GPC6: variants seen among roughly 807,000 people sequenced by gnomAD.
GPC6 encodes glypican-6.
A neutral mutation model predicts 55.2 loss-of-function variants in GPC6; 14 were observed. That is an observed-to-expected ratio of 0.25 (90% confidence interval 0.17 to 0.40). The LOEUF (loss-of-function observed/expected upper bound fraction) is 0.40. Ranked by LOEUF, GPC6 falls within the 10% of genes least tolerant of loss-of-function variation. The pLI is 1.00. For synonymous variants in GPC6, 278 were observed against 259.6 expected (o/e 1.07, Z -0.68); for missense variants, 641 against 708.5 (o/e 0.90, Z 1.08).
At chr13:93,764,532 C>CT (rs1024221051) in intron 2 of GPC6, among the ~76,000 whole-genome samples, 3 of 150,066 alleles carry the variant, frequency 2.0e-5, no homozygotes, top group East Asian at 2.0e-4. Flanking sequence ...TTTTTTGTAC[C>CT]TTTTTTTTAA....
At chr13:94,158,484 G>C (rs1450262442) in intron 4 of GPC6, among the ~76,000 whole-genome samples, 2 of 151,784 alleles carry the variant, frequency 1.3e-5, no homozygotes, top group Non-Finnish European at 2.9e-5. Context: ...TAATTTAAAT[G>C]CAATTTAGAA....
chr13:94,299,814 G>A (rs1381255927), intron 5 of GPC6, among the ~76,000 whole-genome samples: 1 of 152,138 alleles, frequency 6.6e-6, no homozygotes, highest in Non-Finnish European at 1.5e-5. Context: ...GCCATTTCTT[G>A]TGAAAATAAT....
chr13:93,835,008 C>A (rs1468981986), intron 3 of GPC6, among the ~76,000 whole-genome samples: 1 of 152,154 alleles, frequency 6.6e-6, no homozygotes, highest in Non-Finnish European at 1.5e-5. Flanking sequence ...GCTTGTCAGA[C>A]ATTGTGAGGA....
At chr13:94,136,922 TG>T (rs1230952145) in intron 4 of GPC6, among the ~76,000 whole-genome samples, 2 of 152,126 alleles carry the variant, frequency 1.3e-5, no homozygotes, top group Non-Finnish European at 2.9e-5. Flanking sequence ...GTGGCCATAG[TG>T]GGCGAGTAAA....
At chr13:93,651,909 G>GTACA (rs1267312435) in intron 2 of GPC6, among the ~76,000 whole-genome samples, 1 of 152,168 alleles carries the variant, frequency 6.6e-6, no homozygotes, top group Non-Finnish European at 1.5e-5. Context: ...CATAGGGCCT[G>GTACA]TACATCGGTA....
intron 4 of GPC6, among the ~76,000 whole-genome samples, chr13:94,254,885 T>C (rs978681356): frequency 2.6e-5 from 4 of 152,154 alleles, no homozygotes; most frequent in African/African-American, 7.2e-5. Context: ...AAGCTTACCC[T>C]GAATCATCAC....
chr13:93,373,682 A>G (rs1485608834), intron 1 of GPC6, among the ~76,000 whole-genome samples: 3 of 152,216 alleles, frequency 2.0e-5, no homozygotes, highest in African/African-American at 7.2e-5. Context: ...GCCTGCAAGA[A>G]TTAGTGATTC....
intron 4 of GPC6, among the ~76,000 whole-genome samples, chr13:94,199,883 G>A (rs1380840295): frequency 4.6e-5 from 7 of 152,246 alleles, no homozygotes; most frequent in East Asian, 1.9e-4. Flanking sequence ...CAGGTCAGGC[G>A]TGGTGGCTTA....
intron 4 of GPC6, among the ~76,000 whole-genome samples, chr13:94,255,602 C>T (rs759107217): frequency 7.9e-5 from 12 of 152,014 alleles, no homozygotes; most frequent in Non-Finnish European, 1.6e-4. Flanking sequence ...GGACATGATC[C>T]TTAGCCTCCT....
chr13:93,858,441 A>G (rs981162958), intron 3 of GPC6, among the ~76,000 whole-genome samples: 3 of 151,612 alleles, frequency 2.0e-5, no homozygotes, highest in African/African-American at 7.3e-5. Flanking sequence ...AAAATTTGAA[A>G]CTTATCTCCA....
chr13:93,332,156 A>T (rs1167501622), intron 1 of GPC6, among the ~76,000 whole-genome samples: 2 of 152,172 alleles, frequency 1.3e-5, no homozygotes, highest in African/African-American at 4.8e-5. Context: ...GAATAGTGCA[A>T]CAATAAACAT....
chr13:94,163,002 T>C (rs1888222188), intron 4 of GPC6, among the ~76,000 whole-genome samples: 1 of 152,166 alleles, frequency 6.6e-6, no homozygotes, highest in Admixed American at 6.5e-5. Flanking sequence ...TAGCTCACCA[T>C]GAAGCTTATT....
intron 2 of GPC6, among the ~76,000 whole-genome samples, chr13:93,556,638 C>G (rs1426192527): frequency 1.3e-5 from 2 of 151,616 alleles, no homozygotes; most frequent in Non-Finnish European, 2.9e-5. Flanking sequence ...TTTATTTATT[C>G]TTTCTATAAT....
intron 1 of GPC6, among the ~76,000 whole-genome samples, chr13:93,228,477 G>C (rs1338126780): frequency 1.3e-5 from 2 of 152,182 alleles, no homozygotes; most frequent in African/African-American, 2.4e-5. Flanking sequence ...TCCACCAAGA[G>C]CTTGAGAGCG....
intron 4 of GPC6, among the ~76,000 whole-genome samples, chr13:94,201,565 T>C (rs148373209): frequency 9.5e-4 from 144 of 152,280 alleles, no homozygotes; most frequent in Admixed American, 1.8e-3. Flanking sequence ...TAAATTATGA[T>C]AAAATTAACA....
At chr13:93,637,055 G>A (rs1340367904) in intron 2 of GPC6, among the ~76,000 whole-genome samples, 4 of 151,652 alleles carry the variant, frequency 2.6e-5, no homozygotes, top group Admixed American at 2.6e-4. Context: ...TCCTTGTAAT[G>A]TTTGAAAATT....
At chr13:94,286,523 C>G in intron 5 of GPC6, 44 bp downstream of exon 5, 1 of 1,566,554 alleles carries the variant, frequency 6.4e-7, no homozygotes, top group Non-Finnish European at 8.8e-7. Flanking sequence ...GTATGTTATA[C>G]AGGTGCAATA....
chr13:93,941,954 T>C lies in GPC6; in HGVS notation c.712-85775T>C, dbSNP rs941321312. On this transcript the variant is annotated intron_variant, in intron 3 of 8. Transcript: ENST00000377047. Reference sequence around the variant, plus strand: ...ATTTTGACTCTTATTATTTGTAGTCTTTCTTTAGAGGTACCTGGTATACAG... The same window carrying C: ...ATTTTGACTCTTATTATTTGTAGTCCTTCTTTAGAGGTACCTGGTATACAG... Among the ~76,000 whole-genome samples the C allele has an allele frequency of 2.0e-5, 3 of 152,308 alleles. No individual in the cohort carries two copies. The South Asian group carries it at 6.2e-4, about 32-fold the overall frequency.
At chr13:93,602,175 G>C (rs1878044578) in intron 2 of GPC6, among the ~76,000 whole-genome samples, 1 of 152,120 alleles carries the variant, frequency 6.6e-6, no homozygotes, top group African/African-American at 2.4e-5. Flanking sequence ...TAGTCTATTT[G>C]ACAACGATAA....
Sources: gnomAD v4.1 joint callset for allele counts (sites outside exome capture counted in the v4.1 genomes callset) on GRCh38, gnomAD v4.1.1 for gene constraint, MANE v1.5 for transcripts, NCBI Gene and HGNC (gene_info 2026-07-23, HGNC 2026-07-21) for gene names.